The following TCF4 variants were observed in gnomAD, a reference collection of about 807,000 sequenced individuals.
The protein encoded by TCF4 is SL3-3 enhancer factor 2.
A neutral mutation model predicts 82.1 loss-of-function variants in TCF4; 3 were observed. The observed-to-expected ratio is 0.04, with a 90% confidence interval of 0.02 to 0.09. The LOEUF (loss-of-function observed/expected upper bound fraction) is 0.09. Ranked by LOEUF, TCF4 falls within the 10% of genes least tolerant of loss-of-function variation. The probability of loss-of-function intolerance (pLI) is 1.00; values close to 1 mark genes in which losing one functional copy is unlikely to be tolerated. For synonymous variants in TCF4, 276 were observed against 309.6 expected (o/e 0.89, Z 1.14); for missense variants, 518 against 852.7 (o/e 0.61, Z 4.89).
intron 9 of TCF4, among the ~76,000 whole-genome samples, chr18:55,276,909 C>A (rs2061588837): frequency 6.6e-6 from 1 of 152,122 alleles, no homozygotes; most frequent in Non-Finnish European, 1.5e-5. Flanking sequence ...TGTAACTGGA[C>A]TCATTTCATA....
At chr18:55,508,194 T>C (rs2096785106) in intron 3 of TCF4, among the ~76,000 whole-genome samples, 1 of 152,152 alleles carries the variant, frequency 6.6e-6, no homozygotes, top group African/African-American at 2.4e-5. Flanking sequence ...TATTATTTGA[T>C]ATGTGCAACT....
intron 2 of TCF4, among the ~76,000 whole-genome samples, chr18:55,628,601 G>C (rs1421854945): frequency 6.6e-6 from 1 of 152,132 alleles, no homozygotes; most frequent in Admixed American, 6.6e-5. Flanking sequence ...GTCCATTAGT[G>C]ATGGTCATTG....
intron 6 of TCF4, among the ~76,000 whole-genome samples, chr18:55,354,810 T>C (rs986146516): frequency 6.6e-6 from 1 of 151,932 alleles, no homozygotes; most frequent in African/African-American, 2.4e-5. Flanking sequence ...AATTTCAGAG[T>C]TGGAAACTGG....
At chr18:55,453,001 A>G (rs990119087) in intron 5 of TCF4, among the ~76,000 whole-genome samples, 4 of 152,214 alleles carry the variant, frequency 2.6e-5, no homozygotes, top group Non-Finnish European at 4.4e-5. Flanking sequence ...AGAAAATTAT[A>G]TATTTTTCTC....
chr18:55,474,884 C>G (rs2096259934), intron 3 of TCF4, among the ~76,000 whole-genome samples: 2 of 152,096 alleles, frequency 1.3e-5, no homozygotes, highest in Admixed American at 6.6e-5. Context: ...AGGAGATCCT[C>G]CCAATTCAGC....
At position 55,226,619 on chromosome 18, in the gene TCF4, A is replaced by G. The variant is rs1436941426; in HGVS notation, c.*1416T>C. ...CTTATAAGGCTTGTTATAATGCTGC[A>G]TGATGATTGAATATTGGCATTTTTC... On this transcript the variant is annotated 3_prime_UTR_variant, in exon 20 of 20. Coordinates refer to ENST00000354452, the MANE Select transcript of TCF4 (RefSeq NM_001083962.2). 6.6e-6 allele frequency: 1 copy of G among 152,612 alleles called. No individual in the cohort carries two copies. The highest frequency in any genetic ancestry group is 1.5e-5 in the Non-Finnish European group (1 of 68,026). 9.5% of individuals were successfully genotyped at this position (152,612 alleles called of 1,614,324 possible). A position where few individuals can be genotyped will look rare whatever the true frequency, so the allele number is the denominator to read the frequency against.
chr18:55,351,810 C>T (rs1259934591), intron 6 of TCF4: 1 of 904,520 alleles, frequency 1.1e-6, no homozygotes, highest in Non-Finnish European at 1.3e-6. Context: ...ATATATAAAT[C>T]GCTTGATTAT....
rs78630462 is a variant in TCF4, at chr18:55,375,767, G to A, written c.370-24764C>T. 4.4e-3 allele frequency among the ~76,000 whole-genome samples: 665 copies of A among 152,078 alleles called. 15 individuals carry two copies. The East Asian group carries it at 0.09, about 21-fold the overall frequency. Reference sequence around the variant, plus strand: ...AAAATCATAATGGAACAAAAATACAGTTTAGGAAAAAAACACAAAGAATAA... The same window carrying A: ...AAAATCATAATGGAACAAAAATACAATTTAGGAAAAAAACACAAAGAATAA... On this transcript the variant is annotated intron_variant, in intron 6 of 19. Transcript: ENST00000354452.
chr18:55,474,915 C>A (rs1396331215), intron 3 of TCF4, among the ~76,000 whole-genome samples: 1 of 152,074 alleles, frequency 6.6e-6, no homozygotes, highest in Non-Finnish European at 1.5e-5. Context: ...GCTGGGACTG[C>A]CACACCAGGC....
intron 3 of TCF4, among the ~76,000 whole-genome samples, chr18:55,499,951 G>A (rs1013582717): frequency 6.6e-6 from 1 of 152,238 alleles, no homozygotes; most frequent in Non-Finnish European, 1.5e-5. Flanking sequence ...GGGAGGCTGA[G>A]GCAGGCGGAT....
intron 15 of TCF4, 67 bp downstream of exon 15, chr18:55,254,430 A>G (rs2056215022): frequency 6.8e-7 from 1 of 1,478,426 alleles, no homozygotes; most frequent in East Asian, 2.4e-5. Flanking sequence ...AACAGCAACA[A>G]TAGTATCTAT....
At chr18:55,385,599 C>G (rs2092522632) in intron 6 of TCF4, among the ~76,000 whole-genome samples, 1 of 152,144 alleles carries the variant, frequency 6.6e-6, no homozygotes, top group East Asian at 1.9e-4. Flanking sequence ...TGGGGTTTCA[C>G]TATGCTGGCC....
intron 8 of TCF4, among the ~76,000 whole-genome samples, chr18:55,336,995 T>C (rs945927031): frequency 3.3e-5 from 5 of 152,136 alleles, no homozygotes; most frequent in African/African-American, 4.8e-5. Context: ...TCTCGAAATT[T>C]TGCACAAACA....
chr18:55,348,626 T>C (rs1309263579), intron 8 of TCF4, among the ~76,000 whole-genome samples: 2 of 152,148 alleles, frequency 1.3e-5, no homozygotes, highest in African/African-American at 4.8e-5. Flanking sequence ...CAGTTAGCTA[T>C]AGGGAAATAC....
intron 6 of TCF4, among the ~76,000 whole-genome samples, chr18:55,366,753 C>A (rs1481052951): frequency 1.3e-5 from 2 of 152,186 alleles, no homozygotes; most frequent in Non-Finnish European, 2.9e-5. Flanking sequence ...TACAGGAAGA[C>A]AGTGTAGCAT....
rs987120939 is a variant in TCF4, at chr18:55,226,865, T to C, written c.*1170A>G. 6.6e-6 allele frequency: 1 copy of C among 152,636 alleles called. No individual in the cohort carries two copies. The highest frequency in any genetic ancestry group is 1.5e-5 in the Non-Finnish European group (1 of 68,032). The allele number at this position is 152,636 out of a possible 1,614,324, so 9.5% of individuals were successfully genotyped here. ...CTGCACACTACTTCGGCTACACAGG[T>C]AGGTAACACTTTAATCATTTTGTTA... On this transcript the variant is annotated 3_prime_UTR_variant, in exon 20 of 20. Transcript: ENST00000354452.
intron 3 of TCF4, among the ~76,000 whole-genome samples, chr18:55,503,063 T>C (rs2096717270): frequency 6.6e-6 from 1 of 152,194 alleles, no homozygotes; most frequent in African/African-American, 2.4e-5. Flanking sequence ...TAAATGTCTC[T>C]TTTTGGAACT....
chr18:55,588,424 C>T (rs1423935580), upstream of TCF4: 4 of 1,534,588 alleles, frequency 2.6e-6, no homozygotes, highest in East Asian at 7.3e-5. Context: ...AATCTCAACA[C>T]CTCCCCCGCC....
intron 8 of TCF4, chr18:55,302,391 C>T (rs1239459722): frequency 1.3e-6 from 2 of 1,535,562 alleles, no homozygotes; most frequent in African/African-American, 1.4e-5. Flanking sequence ...CAGGATAGAC[C>T]ACTTTGGGGA....
Sources: allele counts gnomAD v4.1 joint callset (sites outside exome capture counted in the v4.1 genomes callset), GRCh38; gene constraint gnomAD v4.1.1; transcripts MANE v1.5; gene names NCBI Gene and HGNC (gene_info 2026-07-23, HGNC 2026-07-21).